The following HPSE2 variants were observed in gnomAD, a reference collection of about 807,000 sequenced individuals.
HPSE2 encodes heparanase 2 (inactive), also known as inactive heparanase-2.
Under a neutral mutation model 60.5 loss-of-function variants are expected in HPSE2, and 38 were observed. The observed-to-expected ratio is 0.63, with a 90% CI of 0.48 to 0.82. The LOEUF is 0.82. Ranked by LOEUF, HPSE2 falls within the 40% of genes least tolerant of loss-of-function variation. The probability of loss-of-function intolerance (pLI) is 0.00; values close to 1 mark genes in which losing one functional copy is unlikely to be tolerated. For missense variants in HPSE2, 713 were observed against 740.4 expected, an observed-to-expected ratio of 0.96 and a Z score of 0.43; for synonymous variants, 295 against 293.2, an observed-to-expected ratio of 1.01 and a Z score of -0.06.
chr10:98,647,659 A>AT (rs746277057), intron 6 of HPSE2, among the ~76,000 whole-genome samples: 11 of 152,192 alleles, frequency 7.2e-5, no homozygotes, highest in Non-Finnish European at 1.0e-4. Context: ...TGATTTGAGT[A>AT]TTTAGGCTTT....
At chr10:98,669,733 A>G (rs1947457373) in intron 6 of HPSE2, among the ~76,000 whole-genome samples, 1 of 152,196 alleles carries the variant, frequency 6.6e-6, no homozygotes, top group Non-Finnish European at 1.5e-5. Flanking sequence ...GCTAGAACAG[A>G]GGAGGGAATG....
chr10:99,183,627 T>C (rs997511500), intron 2 of HPSE2, among the ~76,000 whole-genome samples: 4 of 152,224 alleles, frequency 2.6e-5, no homozygotes, highest in Admixed American at 2.0e-4. Context: ...ATGGATTTGA[T>C]GCTGAGCTCC....
intron 3 of HPSE2, among the ~76,000 whole-genome samples, chr10:98,914,171 T>G (rs1403616840): frequency 6.6e-6 from 1 of 152,142 alleles, no homozygotes; most frequent in Non-Finnish European, 1.5e-5. Flanking sequence ...GTTCTTGTGA[T>G]AGTGAATGGG....
At chr10:98,671,344 T>C (rs1021064792) in intron 6 of HPSE2, among the ~76,000 whole-genome samples, 6 of 152,176 alleles carry the variant, frequency 3.9e-5, no homozygotes, top group African/African-American at 1.4e-4. Context: ...TTATGTGCCT[T>C]CGGTACTAAG....
At chr10:99,023,586 T>C (rs192702621) in intron 3 of HPSE2, among the ~76,000 whole-genome samples, 13 of 152,266 alleles carry the variant, frequency 8.5e-5, no homozygotes, top group East Asian at 7.7e-4. Flanking sequence ...AGCACAGTCA[T>C]AGTAATGGTG....
intron 3 of HPSE2, among the ~76,000 whole-genome samples, chr10:98,904,700 A>G (rs1015558443): frequency 6.6e-6 from 1 of 152,186 alleles, no homozygotes; most frequent in Non-Finnish European, 1.5e-5. Context: ...AAAAACTGTG[A>G]ATTATCTCCA....
chr10:99,291,408 A>AC, the HPSE2 span, among the ~76,000 whole-genome samples: 1 of 152,054 alleles, frequency 6.6e-6, no homozygotes, highest in African/African-American at 2.4e-5. Flanking sequence ...ACATGATGAA[A>AC]CCCCATCTCT....
At chr10:99,189,992 C>G (rs1848164330) in intron 2 of HPSE2, among the ~76,000 whole-genome samples, 1 of 152,162 alleles carries the variant, frequency 6.6e-6, no homozygotes, top group Non-Finnish European at 1.5e-5. Flanking sequence ...AGGTGGATAC[C>G]TCTGTTAATG....
intron 3 of HPSE2, among the ~76,000 whole-genome samples, chr10:98,833,106 G>C (rs1428542857): frequency 1.3e-5 from 2 of 152,136 alleles, no homozygotes; most frequent in Non-Finnish European, 2.9e-5. Flanking sequence ...TCAACAAACA[G>C]CATTTTCTGG....
chr10:98,722,198 A>C (rs755670226), intron 4 of HPSE2, among the ~76,000 whole-genome samples: 2 of 148,950 alleles, frequency 1.3e-5, no homozygotes, highest in Non-Finnish European at 3.0e-5. Context: ...AGATATAATT[A>C]GTTATGATAA....
At chr10:98,989,690 T>A (rs367915827) in intron 3 of HPSE2, among the ~76,000 whole-genome samples, 15 of 152,222 alleles carry the variant, frequency 9.9e-5, no homozygotes, top group African/African-American at 3.4e-4. Context: ...TGTCTTTTAA[T>A]CCAGGATGCT....
chr10:98,745,653 A>T (rs2134335181), intron 3 of HPSE2, among the ~76,000 whole-genome samples: 1 of 152,314 alleles, frequency 6.6e-6, no homozygotes, highest in South Asian at 2.1e-4. Context: ...TGCTTTTTAA[A>T]ACATATCCAT....
intron 6 of HPSE2, among the ~76,000 whole-genome samples, chr10:98,680,797 C>T (rs1485003518): frequency 6.6e-6 from 1 of 152,044 alleles, no homozygotes; most frequent in Non-Finnish European, 1.5e-5. Flanking sequence ...ACTCTGTCAT[C>T]CAGGTTGGAG....
At chr10:98,829,861 T>C (rs1469379050) in intron 3 of HPSE2, among the ~76,000 whole-genome samples, 3 of 152,196 alleles carry the variant, frequency 2.0e-5, no homozygotes, top group Admixed American at 6.5e-5. Flanking sequence ...TTTTCTTTCT[T>C]TTTAAAATTT....
chr10:98,595,771 C>T (rs1443854804), intron 9 of HPSE2, among the ~76,000 whole-genome samples: 1 of 152,110 alleles, frequency 6.6e-6, no homozygotes, highest in Non-Finnish European at 1.5e-5. Flanking sequence ...GACATTCTTG[C>T]CTTTTTCCTG....
chr10:98,541,758 G>A (rs1943470734), intron 9 of HPSE2, among the ~76,000 whole-genome samples: 1 of 152,130 alleles, frequency 6.6e-6, no homozygotes, highest in Admixed American at 6.5e-5. Flanking sequence ...TGGCAGCGAG[G>A]CTGGGGGAGG....
intron 3 of HPSE2, among the ~76,000 whole-genome samples, chr10:98,886,295 C>T (rs1178285444): frequency 4.6e-5 from 7 of 152,076 alleles, no homozygotes; most frequent in Admixed American, 3.9e-4. Flanking sequence ...ATCCAAGACA[C>T]ATAAGGTAAA....
At chr10:99,226,592 A>C (rs950359232) in intron 2 of HPSE2, among the ~76,000 whole-genome samples, 1 of 151,970 alleles carries the variant, frequency 6.6e-6, no homozygotes, top group Non-Finnish European at 1.5e-5. Context: ...GCTGATGTTA[A>C]CCTTAGTCAT....
intron 3 of HPSE2, among the ~76,000 whole-genome samples, chr10:98,791,674 C>G (rs1182569870): frequency 1.3e-5 from 2 of 152,182 alleles, no homozygotes; most frequent in African/African-American, 4.8e-5. Context: ...CCTTTAGTCC[C>G]TCTATATTAT....
Sources: gnomAD v4.1 joint callset for allele counts (sites outside exome capture counted in the v4.1 genomes callset) on GRCh38, gnomAD v4.1.1 for gene constraint, MANE v1.5 for transcripts, NCBI Gene and HGNC (gene_info 2026-07-23, HGNC 2026-07-21) for gene names.